PDZRN3: variants seen among roughly 807,000 people sequenced by gnomAD.
The protein encoded by PDZRN3 is PDZ domain containing ring finger 3, also known as E3 ubiquitin-protein ligase PDZRN3.
PDZRN3 carries 38 observed loss-of-function variants against 85.7 expected under a neutral mutation model. That is an observed-to-expected ratio of 0.44 (90% CI 0.34 to 0.58). PDZRN3 has a LOEUF of 0.58. PDZRN3 is among the 20% of genes least tolerant of loss of function. The pLI, the probability that PDZRN3 is intolerant of heterozygous loss-of-function variation, is 0.01. For missense variants in PDZRN3, 1,629 were observed against 1,506.4 expected (o/e 1.08, Z -1.35); for synonymous variants, 759 against 638.0 (o/e 1.19, Z -2.86).
intron 5 of PDZRN3, among the ~76,000 whole-genome samples, chr3:73,396,054 C>G (rs1264569345): frequency 6.6e-6 from 1 of 152,138 alleles, no homozygotes; most frequent in East Asian, 1.9e-4. Flanking sequence ...GAAACCCTGT[C>G]TCTACTAAAA....
At chr3:73,553,844 G>A (rs1379641556) in intron 3 of PDZRN3, among the ~76,000 whole-genome samples, 1 of 152,180 alleles carries the variant, frequency 6.6e-6, no homozygotes, top group East Asian at 1.9e-4. Flanking sequence ...AGGAAGGCAT[G>A]GACAGGGTGA....
At chr3:73,618,233 C>A (rs1157473577) in intron 1 of PDZRN3, among the ~76,000 whole-genome samples, 2 of 152,180 alleles carry the variant, frequency 1.3e-5, no homozygotes, top group African/African-American at 2.4e-5. Context: ...AGAGCACCGA[C>A]CTTGCAGGGT....
Position 73,526,937 on chromosome 3 carries a change from C to T in PDZRN3, c.918+75417G>A, listed in dbSNP as rs560974316. Among the ~76,000 whole-genome samples the T allele has an allele frequency of 2.6e-5, 4 of 152,220 alleles. No individual in the cohort carries two copies. The East Asian group carries it at 7.7e-4, about 29-fold the overall frequency. ...GATCTTGGCTCACTGCAACCTCCGCCTCCTGGGTTCAAGCGGCTCTCCTGC... is the reference window on the plus strand; with the variant it reads ...GATCTTGGCTCACTGCAACCTCCGCTTCCTGGGTTCAAGCGGCTCTCCTGC... On this transcript the variant is annotated intron_variant, in intron 3 of 9. Transcript: ENST00000263666.
Position 73,427,024 on chromosome 3 carries a change from C to T in PDZRN3, c.919-22629G>A, listed in dbSNP as rs180882260. Among the ~76,000 whole-genome samples, 15 of 152,222 alleles carry T rather than the reference C, an allele frequency of 9.9e-5. No homozygotes were observed. The East Asian group carries it at 2.9e-3, about 29-fold the overall frequency. On this transcript the variant is annotated intron_variant, in intron 3 of 9. Coordinates refer to ENST00000263666, the MANE Select transcript of PDZRN3 (RefSeq NM_015009.3). ...CATAATTTTGGCATATTCTTTATCA[C>T]AAGCTGATGAATATCATCAAATGTA...
At chr3:73,481,124 T>C (rs1703552698) in intron 3 of PDZRN3, among the ~76,000 whole-genome samples, 1 of 152,212 alleles carries the variant, frequency 6.6e-6, no homozygotes. Flanking sequence ...CTCTCACCTC[T>C]ATGCATACAG....
At chr3:73,417,784 CCAGAGACAACTTTTAT>C (rs571376289) in intron 3 of PDZRN3, among the ~76,000 whole-genome samples, 275 of 152,288 alleles carry the variant, frequency 1.8e-3, no homozygotes, top group African/African-American at 6.4e-3. Context: ...TTCCATGCAA[CCAGAGACAACTTTTAT>C]CAGTAGAATG....
At chr3:73,602,014 C>A (rs1201506487) in intron 3 of PDZRN3, among the ~76,000 whole-genome samples, 3 of 152,132 alleles carry the variant, frequency 2.0e-5, no homozygotes, top group African/African-American at 7.2e-5. Context: ...ACAGGGTGCA[C>A]AATTTGTACA....
chr3:73,575,629 C>A (rs569601028), intron 3 of PDZRN3, among the ~76,000 whole-genome samples: 4 of 152,214 alleles, frequency 2.6e-5, no homozygotes, highest in East Asian at 1.9e-4. Context: ...CAAGAAAGTT[C>A]AGAAGAAGAA....
intron 3 of PDZRN3, among the ~76,000 whole-genome samples, chr3:73,599,952 C>T (rs962514426): frequency 5.3e-5 from 8 of 152,144 alleles, no homozygotes; most frequent in Non-Finnish European, 8.8e-5. Flanking sequence ...ATGCAACAGC[C>T]TATATATTTT....
chr3:73,594,827 T>C (rs941016240), intron 3 of PDZRN3, among the ~76,000 whole-genome samples: 23 of 152,154 alleles, frequency 1.5e-4, no homozygotes, highest in Non-Finnish European at 2.4e-4. Context: ...ATTTTACAAG[T>C]GGAGACTAAA....
At chr3:73,459,721 A>G (rs1559691034) in intron 3 of PDZRN3, among the ~76,000 whole-genome samples, 2 of 152,208 alleles carry the variant, frequency 1.3e-5, no homozygotes, top group African/African-American at 4.8e-5. Flanking sequence ...TTCATGGTGT[A>G]TATGTACCAC....
intron 3 of PDZRN3, among the ~76,000 whole-genome samples, chr3:73,491,379 T>C (rs1326853866): frequency 6.6e-6 from 1 of 152,172 alleles, no homozygotes; most frequent in Non-Finnish European, 1.5e-5. Flanking sequence ...TCCTGGGTTC[T>C]GAGCTGGCTC....
intron 3 of PDZRN3, among the ~76,000 whole-genome samples, chr3:73,431,909 A>G (rs1396759430): frequency 6.6e-6 from 1 of 152,168 alleles, no homozygotes; most frequent in Non-Finnish European, 1.5e-5. Flanking sequence ...CAGAAGAATA[A>G]AAGACAGGTT....
intron 3 of PDZRN3, among the ~76,000 whole-genome samples, chr3:73,434,172 C>A (rs1166091947): frequency 6.6e-6 from 1 of 152,166 alleles, no homozygotes; most frequent in Non-Finnish European, 1.5e-5. Context: ...AAGACACTAA[C>A]AATTTTGCAA....
chr3:73,422,778 A>C (rs544415772), intron 3 of PDZRN3, among the ~76,000 whole-genome samples: 2 of 152,330 alleles, frequency 1.3e-5, no homozygotes, highest in East Asian at 3.9e-4. Flanking sequence ...AAAAAGTTCA[A>C]GTTAATTTAA....
At chr3:73,470,338 G>T (rs928360189) in intron 3 of PDZRN3, among the ~76,000 whole-genome samples, 2 of 152,158 alleles carry the variant, frequency 1.3e-5, no homozygotes, top group African/African-American at 4.8e-5. Context: ...AATTATACCA[G>T]TGTGGTCTGA....
chr3:73,470,291 A>C (rs193131787), intron 3 of PDZRN3, among the ~76,000 whole-genome samples: 65 of 152,366 alleles, frequency 4.3e-4, no homozygotes, highest in Non-Finnish European at 1.8e-4. Flanking sequence ...ATAGTAAGTG[A>C]AATTGCCGTG....
At chr3:73,448,850 G>A (rs1702802930) in intron 3 of PDZRN3, among the ~76,000 whole-genome samples, 1 of 152,196 alleles carries the variant, frequency 6.6e-6, no homozygotes, top group African/African-American at 2.4e-5. Flanking sequence ...ATCTGTACTT[G>A]TGGCACGAAA....
At chr3:73,589,872 C>T (rs1384126976) in intron 3 of PDZRN3, among the ~76,000 whole-genome samples, 1 of 152,046 alleles carries the variant, frequency 6.6e-6, no homozygotes, top group Non-Finnish European at 1.5e-5. Context: ...TGTGTTCAGG[C>T]ATAAATGTTC....
Sources: gnomAD v4.1 joint callset for allele counts (sites outside exome capture counted in the v4.1 genomes callset) on GRCh38, gnomAD v4.1.1 for gene constraint, MANE v1.5 for transcripts, NCBI Gene and HGNC (gene_info 2026-07-23, HGNC 2026-07-21) for gene names.